Variants in KIRREL1 observed in about 807,000 individuals in gnomAD.
The protein encoded by KIRREL1 is kin of IRRE-like protein 1.
Under a neutral mutation model 83.3 loss-of-function variants are expected in KIRREL1, and 25 were observed. The ratio of observed to expected loss-of-function variants is 0.30; its 90% confidence interval spans 0.22 to 0.42. The LOEUF (loss-of-function observed/expected upper bound fraction) is 0.42. KIRREL1 is among the 10% of genes least tolerant of loss of function. The pLI, the probability that KIRREL1 is intolerant of heterozygous loss-of-function variation, is 1.00. For synonymous variants in KIRREL1, 388 were observed against 410.4 expected (o/e 0.95, Z 0.66); for missense variants, 812 against 1,032.3 (o/e 0.79, Z 2.92).
intron 1 of KIRREL1, among the ~76,000 whole-genome samples, chr1:158,000,501 A>T (rs763116913): frequency 2.4e-4 from 36 of 152,332 alleles, no homozygotes; most frequent in Non-Finnish European, 3.8e-4. Context: ...TCCATTCTGT[A>T]GCTCCAGCTC....
chr1:158,084,361 T>G, intron 3 of KIRREL1, 61 bp from the exon 4 acceptor site: 2 of 1,466,912 alleles, frequency 1.4e-6, no homozygotes, highest in Non-Finnish European at 9.2e-7. Context: ...GGCAGGAGTT[T>G]TGGTCTTCAG....
At chr1:157,998,062 G>T (rs896075028) in intron 1 of KIRREL1, among the ~76,000 whole-genome samples, 1 of 152,066 alleles carries the variant, frequency 6.6e-6, no homozygotes, top group Non-Finnish European at 1.5e-5. Context: ...GGAGAGATGG[G>T]TCTTGCTAGG....
chr1:158,010,539 T>C (rs1659658555), intron 1 of KIRREL1, among the ~76,000 whole-genome samples: 1 of 151,980 alleles, frequency 6.6e-6, no homozygotes, highest in Non-Finnish European at 1.5e-5. Context: ...TGCATGTTGA[T>C]AAGAGTTTCT....
chr1:158,083,067 G>T (rs189021932), intron 3 of KIRREL1, among the ~76,000 whole-genome samples: 1 of 152,288 alleles, frequency 6.6e-6, no homozygotes, highest in African/African-American at 2.4e-5. Flanking sequence ...TATATCAGAA[G>T]CAGCCGCTAC....
chr1:158,082,238 C>A (rs1198873952), intron 3 of KIRREL1, among the ~76,000 whole-genome samples: 2 of 152,118 alleles, frequency 1.3e-5, no homozygotes, highest in Middle Eastern at 3.2e-3. Flanking sequence ...ACATGCCCTG[C>A]ACATCATAGT....
At chr1:158,077,166 G>A (rs1661703411) in intron 2 of KIRREL1, among the ~76,000 whole-genome samples, 1 of 152,174 alleles carries the variant, frequency 6.6e-6, no homozygotes, top group African/African-American at 2.4e-5. Context: ...AATTGTTGAG[G>A]GAGTTGAGAT....
chr1:158,063,266 A>G (rs1291481441), intron 1 of KIRREL1, among the ~76,000 whole-genome samples: 1 of 152,220 alleles, frequency 6.6e-6, no homozygotes, highest in Non-Finnish European at 1.5e-5. Context: ...CCAAGGGAAG[A>G]CCAGTTTGGA....
chr1:158,012,740 G>T (rs1659722267), intron 1 of KIRREL1, among the ~76,000 whole-genome samples: 1 of 152,216 alleles, frequency 6.6e-6, no homozygotes. Flanking sequence ...AGGGGCAAGG[G>T]CCTTCTTTGT....
At chr1:158,053,748 A>G (rs1660968994) in intron 1 of KIRREL1, among the ~76,000 whole-genome samples, 1 of 152,368 alleles carries the variant, frequency 6.6e-6, no homozygotes, top group East Asian at 1.9e-4. Flanking sequence ...GGACAAGGCT[A>G]TTCCTTATTA....
chr1:158,091,672 G>A, intron 11 of KIRREL1, 116 bp downstream of exon 11: 1 of 979,654 alleles, frequency 1.0e-6, no homozygotes. Context: ...TGCTCTGAGG[G>A]AGGGGACACA....
At chr1:158,077,677 C>G (rs953088658) in intron 2 of KIRREL1, among the ~76,000 whole-genome samples, 1 of 152,226 alleles carries the variant, frequency 6.6e-6, no homozygotes, top group Non-Finnish European at 1.5e-5. Context: ...CTCTCCTTTG[C>G]TCCCTGCTGT....
At position 158,096,277 on chromosome 1, in the gene KIRREL1, C is replaced by G; in HGVS notation, c.*1157C>G. ...ACTCTGATAGGGTTACGGAGGGGGC[C>G]TGGCTCTCAGTCTCTACTCTCCTAT... On this transcript the variant is annotated 3_prime_UTR_variant, in exon 15 of 15. Transcript: ENST00000359209. 1 of 300,692 alleles carries G rather than the reference C, an allele frequency of 3.3e-6. No individual in the cohort carries two copies. 18.6% of individuals were successfully genotyped at this position (300,692 alleles called of 1,614,324 possible).
At chr1:158,079,548 T>G (rs527547213) in intron 3 of KIRREL1, among the ~76,000 whole-genome samples, 1 of 152,378 alleles carries the variant, frequency 6.6e-6, no homozygotes, top group African/African-American at 2.4e-5. Context: ...CTCGAAATCC[T>G]TACCTCAGGT....
At position 158,076,249 on chromosome 1, in the gene KIRREL1, C is replaced by T. The variant is rs1481546539; in HGVS notation, c.189C>T (p.Gly63=). 6.2e-7 allele frequency: 1 copy of T among 1,613,920 alleles called. No homozygotes were observed. The highest frequency in any genetic ancestry group is 8.5e-7 in the Non-Finnish European group (1 of 1,179,936). The change falls in exon 2 of 15, where the codon GGC becomes GGT. Residue 63 remains glycine (G), a synonymous_variant. Coordinates refer to ENST00000359209, the MANE Select transcript of KIRREL1 (RefSeq NM_018240.7). ...WTKDGLALGM[G]QGLKAWPRYR... ...AGGACGGGCTGGCCCTGGGCATGGGCCAGGGCCTCAAAGGTGAGTGCCTGG... is the reference window on the plus strand; with the variant it reads ...AGGACGGGCTGGCCCTGGGCATGGGTCAGGGCCTCAAAGGTGAGTGCCTGG...
At chr1:158,067,530 G>A (rs7368400) in intron 1 of KIRREL1, among the ~76,000 whole-genome samples, 55,191 of 152,148 alleles carry the variant, frequency 0.36, 10,893 homozygotes, top group East Asian at 0.6. Context: ...CAGGGTTGCA[G>A]TCTGAGGACA....
chr1:158,067,744 T>G (rs1251451662), intron 1 of KIRREL1, among the ~76,000 whole-genome samples: 1 of 152,238 alleles, frequency 6.6e-6, no homozygotes, highest in Non-Finnish European at 1.5e-5. Context: ...GCTGGGCTGA[T>G]CCCGCTTGCA....
chr1:158,072,180 T>C (rs1661534631), intron 1 of KIRREL1, among the ~76,000 whole-genome samples: 1 of 151,998 alleles, frequency 6.6e-6, no homozygotes, highest in Non-Finnish European at 1.5e-5. Context: ...CTCCTCTCAC[T>C]GAGAGGAGGG....
intron 1 of KIRREL1, among the ~76,000 whole-genome samples, chr1:157,994,386 G>GA (rs1353843605): frequency 6.7e-6 from 1 of 150,256 alleles, no homozygotes; most frequent in Non-Finnish European, 1.5e-5. Flanking sequence ...GCTTGATACA[G>GA]AGGGGGGGAA....
chr1:158,075,620 A>G (rs1661656743), intron 1 of KIRREL1, among the ~76,000 whole-genome samples: 1 of 152,222 alleles, frequency 6.6e-6, no homozygotes, highest in East Asian at 1.9e-4. Flanking sequence ...GTTGGTTCAC[A>G]TTGACTCCCA....
Sources: allele counts gnomAD v4.1 joint callset (sites outside exome capture counted in the v4.1 genomes callset), GRCh38; gene constraint gnomAD v4.1.1; transcripts MANE v1.5; gene names NCBI Gene and HGNC (gene_info 2026-07-23, HGNC 2026-07-21).